Variants in SLC25A26 observed in about 807,000 individuals in gnomAD.
SLC25A26 encodes solute carrier family 25 member 26.
A neutral mutation model predicts 37.8 loss-of-function variants in SLC25A26; 36 were observed. The ratio of observed to expected loss-of-function variants is 0.95; its 90% CI spans 0.73 to 1.26. The LOEUF (loss-of-function observed/expected upper bound fraction) is 1.26. Among genes scored for constraint, SLC25A26 ranks in the 50% most tolerant of loss-of-function variants. The pLI is 0.00. For synonymous variants in SLC25A26, 129 were observed against 122.5 expected (o/e 1.05, Z -0.35); for missense variants, 390 against 331.1 (o/e 1.18, Z -1.38).
intron 5 of SLC25A26, among the ~76,000 whole-genome samples, chr3:66,264,659 C>T (rs2073673471): frequency 6.6e-6 from 1 of 152,180 alleles, no homozygotes; most frequent in Admixed American, 6.5e-5. Flanking sequence ...ACAGTTTCAT[C>T]CTGAAACCAC....
intron 5 of SLC25A26, among the ~76,000 whole-genome samples, chr3:66,299,479 T>C (rs1292979167): frequency 6.6e-6 from 1 of 152,204 alleles, no homozygotes; most frequent in African/African-American, 2.4e-5. Context: ...TGTGAGCCGA[T>C]GTGCTTGGCA....
At chr3:66,244,799 C>T (rs368121003) in intron 3 of SLC25A26, among the ~76,000 whole-genome samples, 73 of 151,812 alleles carry the variant, frequency 4.8e-4, no homozygotes, top group African/African-American at 1.6e-3. Flanking sequence ...CGTGAAACCC[C>T]GTCTCTACTG....
At chr3:66,371,062 C>T (rs1190654620) in intron 9 of SLC25A26, 3 of 1,271,020 alleles carry the variant, frequency 2.4e-6, no homozygotes, top group East Asian at 2.7e-5. Flanking sequence ...CATTGTGCTA[C>T]AGAAGTGCCT....
chr3:66,278,303 T>C (rs2074224045), intron 5 of SLC25A26, among the ~76,000 whole-genome samples: 1 of 152,164 alleles, frequency 6.6e-6, no homozygotes, highest in East Asian at 1.9e-4. Flanking sequence ...ATTTAATTTC[T>C]TTTATTGTTA....
chr3:66,196,935 G>A (rs1010011737), intron 1 of SLC25A26, among the ~76,000 whole-genome samples: 3 of 152,074 alleles, frequency 2.0e-5, no homozygotes, highest in African/African-American at 7.2e-5. Flanking sequence ...AAGCATATAT[G>A]TATTATCATC....
chr3:66,225,723 G>C (rs781845237), intron 1 of SLC25A26, among the ~76,000 whole-genome samples: 2 of 152,060 alleles, frequency 1.3e-5, no homozygotes, highest in Non-Finnish European at 2.9e-5. Flanking sequence ...TCACCTCTAG[G>C]ATGCTTTGCC....
intron 5 of SLC25A26, among the ~76,000 whole-genome samples, chr3:66,283,025 T>C (rs181936186): frequency 2.0e-5 from 3 of 152,358 alleles, no homozygotes. Context: ...ATCAATAGTT[T>C]CTTCCTTTTT....
chr3:66,164,172 A>G (rs2070395300), intron 1 of SLC25A26, among the ~76,000 whole-genome samples: 1 of 152,236 alleles, frequency 6.6e-6, no homozygotes, highest in Admixed American at 6.5e-5. Flanking sequence ...GAGGGAGCAT[A>G]TATCATTTAG....
intron 7 of SLC25A26, among the ~76,000 whole-genome samples, chr3:66,363,518 CAT>C (rs1156568032): frequency 2.0e-5 from 3 of 152,184 alleles, no homozygotes; most frequent in African/African-American, 7.2e-5. Context: ...ATCACTAAGT[CAT>C]ATGAATTTTC....
At chr3:66,374,256 A>G (rs948228659) in intron 9 of SLC25A26, among the ~76,000 whole-genome samples, 6 of 152,174 alleles carry the variant, frequency 3.9e-5, no homozygotes, top group Non-Finnish European at 5.9e-5. Flanking sequence ...CCCTTTTCCA[A>G]TAGCACATGA....
At chr3:66,182,662 T>G (rs943449722) in intron 1 of SLC25A26, among the ~76,000 whole-genome samples, 1 of 127,952 alleles carries the variant, frequency 7.8e-6, no homozygotes, top group African/African-American at 3.1e-5. Flanking sequence ...CAAGATCTAA[T>G]GCTTATAACA....
chr3:66,271,464 A>G (rs972724254), intron 5 of SLC25A26, among the ~76,000 whole-genome samples: 1 of 152,158 alleles, frequency 6.6e-6, no homozygotes, highest in African/African-American at 2.4e-5. Flanking sequence ...CTATTCCAGA[A>G]CTATGAAGAA....
chr3:66,209,499 GTATA>G (rs1284810213), intron 1 of SLC25A26, among the ~76,000 whole-genome samples: 4 of 139,652 alleles, frequency 2.9e-5, no homozygotes, highest in African/African-American at 1.0e-4. Flanking sequence ...TTTTATATGG[GTATA>G]TAGTTATATA....
At chr3:66,198,484 C>T (rs1446684917) in intron 1 of SLC25A26, among the ~76,000 whole-genome samples, 6 of 151,992 alleles carry the variant, frequency 3.9e-5, no homozygotes, top group African/African-American at 1.2e-4. Flanking sequence ...GAATTTTGCC[C>T]TCATGCTGTC....
At chr3:66,201,347 A>AT (rs1482693339) in intron 1 of SLC25A26, among the ~76,000 whole-genome samples, 27 of 151,722 alleles carry the variant, frequency 1.8e-4, no homozygotes, top group South Asian at 6.3e-4. Flanking sequence ...TGTATATATA[A>AT]TTTTTTTTAA....
At chr3:66,354,976 C>A (rs767314221) in intron 6 of SLC25A26, among the ~76,000 whole-genome samples, 1 of 152,094 alleles carries the variant, frequency 6.6e-6, no homozygotes, top group Non-Finnish European at 1.5e-5. Flanking sequence ...TTGTACATTG[C>A]CCAGTCTTGA....
At chr3:66,322,466 A>G (rs2075721593) in intron 5 of SLC25A26, among the ~76,000 whole-genome samples, 1 of 152,248 alleles carries the variant, frequency 6.6e-6, no homozygotes, top group Non-Finnish European at 1.5e-5. Context: ...TATTAAGACA[A>G]ACCTCTTTTC....
intron 9 of SLC25A26, among the ~76,000 whole-genome samples, chr3:66,373,102 T>TGG (rs1700440643): frequency 6.6e-6 from 1 of 152,188 alleles, no homozygotes; most frequent in South Asian, 2.1e-4. Flanking sequence ...CAAAGGCAGA[T>TGG]GGGGAGCCTG....
At chr3:66,347,693 T>G (rs1175192732) in intron 6 of SLC25A26, among the ~76,000 whole-genome samples, 1 of 152,220 alleles carries the variant, frequency 6.6e-6, no homozygotes, top group Non-Finnish European at 1.5e-5. Context: ...ATTGCAGCAC[T>G]ATTTATAATA....
Sources: gnomAD v4.1 joint callset for allele counts (sites outside exome capture counted in the v4.1 genomes callset) on GRCh38, gnomAD v4.1.1 for gene constraint, MANE v1.5 for transcripts, NCBI Gene and HGNC (gene_info 2026-07-23, HGNC 2026-07-21) for gene names.